The following CPA6 variants were observed in gnomAD, a reference collection of about 807,000 sequenced individuals.
The protein encoded by CPA6 is carboxypeptidase A6, also known as carboxypeptidase B.
In CPA6, 58 loss-of-function variants were observed where a neutral mutation model predicts 63.3. The observed-to-expected ratio is 0.92, with a 90% CI of 0.74 to 1.14. The LOEUF is 1.14. Among genes scored for constraint, CPA6 ranks in the 50% most tolerant of loss-of-function variants. The pLI, the probability that CPA6 is intolerant of heterozygous loss-of-function variation, is 0.00. For synonymous variants in CPA6, 185 were observed against 179.0 expected, an observed-to-expected ratio of 1.03 and a Z score of -0.27; for missense variants, 565 against 526.6, an observed-to-expected ratio of 1.07 and a Z score of -0.71.
At chr8:67,485,666 T>G (rs1811462411) in intron 6 of CPA6, among the ~76,000 whole-genome samples, 1 of 152,220 alleles carries the variant, frequency 6.6e-6, no homozygotes, top group Non-Finnish European at 1.5e-5. Context: ...GCAATAAATA[T>G]GCTTGCACAT....
At chr8:67,586,671 T>A (rs16933418) in intron 2 of CPA6, among the ~76,000 whole-genome samples, 10,210 of 152,164 alleles carry the variant, frequency 0.067, 621 homozygotes, top group African/African-American at 0.16. Flanking sequence ...TGTAGGGAGA[T>A]CAGCATAGAA....
intron 2 of CPA6, among the ~76,000 whole-genome samples, chr8:67,519,037 T>C (rs7008297): frequency 0.32 from 47,908 of 152,078 alleles, 7,632 homozygotes; most frequent in Middle Eastern, 0.47. Context: ...CCCATTTGGT[T>C]ACCACCCATC....
intron 2 of CPA6, among the ~76,000 whole-genome samples, chr8:67,594,252 C>T (rs930169437): frequency 9.9e-4 from 151 of 152,198 alleles, no homozygotes; most frequent in Middle Eastern, 3.4e-3. Context: ...CCGAGAGATC[C>T]GCTGTTAGTC....
At chr8:67,626,945 GAAACTACCCTTGGGATTATT>G (rs1174535867) in intron 1 of CPA6, among the ~76,000 whole-genome samples, 7 of 150,900 alleles carry the variant, frequency 4.6e-5, no homozygotes, top group Non-Finnish European at 7.4e-5. Context: ...AGGATACAAA[GAAACTACCCTTGGGATTATT>G]TAACCCTGAA....
At chr8:67,444,472 G>T (rs556496799) in intron 8 of CPA6, among the ~76,000 whole-genome samples, 1 of 152,048 alleles carries the variant, frequency 6.6e-6, no homozygotes, top group South Asian at 2.1e-4. Flanking sequence ...AAAGATGTGG[G>T]GGTCATTATC....
intron 2 of CPA6, among the ~76,000 whole-genome samples, chr8:67,595,588 C>T (rs1454190993): frequency 8.5e-5 from 13 of 152,208 alleles, no homozygotes; most frequent in African/African-American, 2.4e-4. Flanking sequence ...TGGGCAATGG[C>T]GGGCGCCCCT....
At chr8:67,612,057 G>A (rs1174434079) in intron 2 of CPA6, among the ~76,000 whole-genome samples, 1 of 152,092 alleles carries the variant, frequency 6.6e-6, no homozygotes, top group Admixed American at 6.5e-5. Context: ...TCAAATTATT[G>A]GTGTGTCTGT....
At chr8:67,489,083 A>G (rs1811548585) in intron 6 of CPA6, among the ~76,000 whole-genome samples, 3 of 151,916 alleles carry the variant, frequency 2.0e-5, no homozygotes, top group African/African-American at 7.3e-5. Flanking sequence ...AACTTCCAAC[A>G]CTATGTTGAA....
intron 2 of CPA6, among the ~76,000 whole-genome samples, chr8:67,570,622 CTTGAAATAGACTG>C (rs1378092748): frequency 1.3e-5 from 2 of 152,106 alleles, no homozygotes; most frequent in African/African-American, 4.8e-5. Flanking sequence ...CTGTTACCAG[CTTGAAATAGACTG>C]TTATAAGATA....
chr8:67,536,653 T>C (rs1009990480), intron 2 of CPA6, among the ~76,000 whole-genome samples: 6 of 152,212 alleles, frequency 3.9e-5, no homozygotes. Flanking sequence ...CAGAGACAAT[T>C]TGACTTCCTC....
chr8:67,575,219 A>C (rs1430325399), intron 2 of CPA6, among the ~76,000 whole-genome samples: 1 of 152,208 alleles, frequency 6.6e-6, no homozygotes, highest in East Asian at 1.9e-4. Context: ...GGCTATTACC[A>C]AAAAGAGGAA....
chr8:67,731,018 C>T (rs769603920), intron 1 of CPA6, among the ~76,000 whole-genome samples: 4 of 152,166 alleles, frequency 2.6e-5, no homozygotes, highest in African/African-American at 7.2e-5. Flanking sequence ...ACTGGGTGAC[C>T]ATGCTGATTT....
chr8:67,627,456 G>T (rs1426131444), intron 1 of CPA6, among the ~76,000 whole-genome samples: 2 of 152,046 alleles, frequency 1.3e-5, no homozygotes, highest in African/African-American at 4.8e-5. Context: ...TTGTTTGTTT[G>T]TTTTTAACTG....
At chr8:67,613,769 TTGTGCCCAAAAA>T (rs1256890665) in intron 2 of CPA6, among the ~76,000 whole-genome samples, 1 of 152,148 alleles carries the variant, frequency 6.6e-6, no homozygotes, top group Admixed American at 6.5e-5. Context: ...ATTCCTGTTT[TTGTGCCCAAAAA>T]GTTGCCTTTT....
chr8:67,722,347 G>A (rs1164372536), intron 1 of CPA6, among the ~76,000 whole-genome samples: 1 of 152,106 alleles, frequency 6.6e-6, no homozygotes, highest in East Asian at 1.9e-4. Context: ...TCCAATTTCT[G>A]GATACTCCAA....
chr8:67,744,417 C>T (rs574531613), intron 1 of CPA6, among the ~76,000 whole-genome samples: 6 of 152,134 alleles, frequency 3.9e-5, no homozygotes, highest in East Asian at 1.9e-4. Context: ...AAATTCTATA[C>T]GAAAAGGGTG....
chr8:67,746,219 C>T lies in CPA6; in HGVS notation c.-90G>A. On this transcript the variant is annotated 5_prime_UTR_variant, in exon 1 of 11. Coordinates refer to ENST00000297770, the MANE Select transcript of CPA6 (RefSeq NM_020361.5). ...GCACCCTCTACACACCGCACAGGTT[C>T]TCCGGGAAGGGGGTGGGCGAGGAAG... 1 of 821,942 alleles carries T rather than the reference C, an allele frequency of 1.2e-6. No individual in the cohort carries two copies. The allele number at this position is 821,942 out of a possible 1,614,324, so 50.9% of individuals were successfully genotyped here. A position where few individuals can be genotyped will look rare whatever the true frequency, so the allele number is the denominator to read the frequency against.
intron 2 of CPA6, among the ~76,000 whole-genome samples, chr8:67,620,520 C>T (rs1815055435): frequency 6.6e-6 from 1 of 152,154 alleles, no homozygotes; most frequent in African/African-American, 2.4e-5. Context: ...CTTCTAGAGG[C>T]AATGCACAGG....
intron 6 of CPA6, among the ~76,000 whole-genome samples, chr8:67,491,383 TCTC>T (rs1275580751): frequency 6.6e-6 from 1 of 152,072 alleles, no homozygotes; most frequent in African/African-American, 2.4e-5. Flanking sequence ...CTGAAAATGA[TCTC>T]CTCATCTTGT....
Sources: gnomAD v4.1 joint callset for allele counts (sites outside exome capture counted in the v4.1 genomes callset) on GRCh38, gnomAD v4.1.1 for gene constraint, MANE v1.5 for transcripts, NCBI Gene and HGNC (gene_info 2026-07-23, HGNC 2026-07-21) for gene names.